The following DNAJC10 variants were observed in gnomAD, a reference collection of about 807,000 sequenced individuals.
DNAJC10 encodes endoplasmic reticulum disulfide reductase DNAJC10.
A neutral mutation model predicts 115.0 loss-of-function variants in DNAJC10; 101 were observed. The ratio of observed to expected loss-of-function variants is 0.88; its 90% CI spans 0.75 to 1.04. DNAJC10 has a LOEUF of 1.04. DNAJC10 is among the 50% of genes least tolerant of loss of function. The probability of loss-of-function intolerance (pLI) is 0.00; values close to 1 mark genes in which losing one functional copy is unlikely to be tolerated. For synonymous variants in DNAJC10, 307 were observed against 301.5 expected, an observed-to-expected ratio of 1.02 and a Z score of -0.19; for missense variants, 981 against 928.8, an observed-to-expected ratio of 1.06 and a Z score of -0.73.
At position 182,718,058 on chromosome 2, in the gene DNAJC10, C is replaced by T; in HGVS notation, c.-29C>T. 6.5e-7 allele frequency: 1 copy of T among 1,537,716 alleles called. No individual in the cohort carries two copies. Among genetic ancestry groups the T allele is most frequent in the Non-Finnish European group, 8.8e-7 (1 of 1,130,788 alleles). ...AACCAGCAGTGAATCTTAATGTTCA[C>T]TTAAATCAGAACTTGCATAAGAAAG... On this transcript the variant is annotated 5_prime_UTR_variant, in exon 3 of 24. Coordinates refer to ENST00000264065, the MANE Select transcript of DNAJC10 (RefSeq NM_018981.4).
chr2:182,735,343 G>A (rs1693557699), intron 10 of DNAJC10, among the ~76,000 whole-genome samples: 1 of 151,584 alleles, frequency 6.6e-6, no homozygotes, highest in Non-Finnish European at 1.5e-5. Flanking sequence ...TTTTTTCTAA[G>A]TTCTGTCTTA....
intron 22 of DNAJC10, among the ~76,000 whole-genome samples, chr2:182,767,348 C>T (rs1694439927): frequency 6.6e-6 from 1 of 152,212 alleles, no homozygotes; most frequent in South Asian, 2.1e-4. Context: ...AAATTAAAAG[C>T]ATAAGCTTGT....
rs929224178 is a variant in DNAJC10 at position 182,792,463 on chromosome 2, C to A, written c.*15331C>A. 3 of 152,166 alleles carry A rather than the reference C, an allele frequency of 2.0e-5. No individual in the cohort carries two copies. Among genetic ancestry groups the A allele is most frequent in the African/African-American group, 7.2e-5 (3 of 41,448 alleles). The allele number at this position is 152,166 out of a possible 1,614,324, so 9.4% of individuals were successfully genotyped here. A position where few individuals can be genotyped will look rare whatever the true frequency, so the allele number is the denominator to read the frequency against. On this transcript the variant is annotated 3_prime_UTR_variant, in exon 24 of 24. Transcript: ENST00000264065. Reference sequence around the variant, plus strand: ...AATTGATTGGTTTCCTTTTCAGCTTCCTGTTTTGTCCCTCAATGTTCACAA... The same window carrying A: ...AATTGATTGGTTTCCTTTTCAGCTTACTGTTTTGTCCCTCAATGTTCACAA...
chr2:182,752,898 A>G (rs1694060631), intron 16 of DNAJC10, among the ~76,000 whole-genome samples: 1 of 152,190 alleles, frequency 6.6e-6, no homozygotes, highest in Non-Finnish European at 1.5e-5. Context: ...GGAGAGATTA[A>G]AAAGACTTAA....
rs12052646 is a variant in DNAJC10, at chr2:182,785,372, C to T, written c.*8240C>T. The T allele has an allele frequency of 3.3e-5, 5 of 151,996 alleles. No individual in the cohort carries two copies. In the East Asian group the frequency reaches 9.6e-4, roughly 29 times the overall value. 9.4% of individuals were successfully genotyped at this position (151,996 alleles called of 1,614,324 possible). On this transcript the variant is annotated 3_prime_UTR_variant, in exon 24 of 24. Transcript: ENST00000264065. ...TTTGTGAAATAAGACACATAGTCTT[C>T]AGGTAAAAAGAAAGAGCTCTTGGTC...
chr2:182,756,556 C>T lies in DNAJC10; in HGVS notation c.1809+87C>T. The T allele has an allele frequency of 2.4e-6, 3 of 1,261,506 alleles. No homozygotes were observed. The South Asian group carries it at 4.3e-5, about 18-fold the overall frequency. 78.1% of individuals were successfully genotyped at this position (1,261,506 alleles called of 1,614,324 possible). On this transcript the variant is annotated intron_variant, in intron 18 of 23. Transcript: ENST00000264065. ...TTATTTTGAAACGGATGTGAATGAA[C>T]CCACAACTAAATTATTACTTAATAA...
At chr2:182,768,170 A>G (rs1470820023) in intron 22 of DNAJC10, among the ~76,000 whole-genome samples, 2 of 152,106 alleles carry the variant, frequency 1.3e-5, no homozygotes, top group Non-Finnish European at 2.9e-5. Flanking sequence ...TTTGTCAAGA[A>G]TCTGTCTTAA....
intron 4 of DNAJC10, among the ~76,000 whole-genome samples, chr2:182,720,996 T>C (rs1693136637): frequency 6.6e-6 from 1 of 152,072 alleles, no homozygotes. Flanking sequence ...AAGGTGTTTT[T>C]TTTCTTAAAC....
intron 11 of DNAJC10, among the ~76,000 whole-genome samples, chr2:182,738,815 C>T (rs1475143784): frequency 1.3e-5 from 2 of 152,160 alleles, no homozygotes; most frequent in African/African-American, 2.4e-5. Context: ...GTTGGGATTA[C>T]AGGCGTGAGC....
chr2:182,768,073 T>G (rs897214612), intron 22 of DNAJC10, among the ~76,000 whole-genome samples: 1 of 152,154 alleles, frequency 6.6e-6, no homozygotes, highest in African/African-American at 2.4e-5. Context: ...CATTTTGTGA[T>G]GAATAGGGCT....
At chr2:182,750,208 G>A (rs973884604) in intron 14 of DNAJC10, among the ~76,000 whole-genome samples, 1 of 152,194 alleles carries the variant, frequency 6.6e-6, no homozygotes, top group Non-Finnish European at 1.5e-5. Context: ...TTGCAGTTGA[G>A]TGATTGTACC....
chr2:182,770,154 G>A (rs75818412), intron 22 of DNAJC10, among the ~76,000 whole-genome samples: 2 of 152,142 alleles, frequency 1.3e-5, no homozygotes, highest in African/African-American at 4.8e-5. Context: ...TGAGGGCTCT[G>A]TTCTGTTCCA....
chr2:182,753,687 A>G (rs1421812534), intron 16 of DNAJC10, among the ~76,000 whole-genome samples: 2 of 139,724 alleles, frequency 1.4e-5, no homozygotes, highest in Non-Finnish European at 3.0e-5. Context: ...GGTTCATGCC[A>G]TTCTCCTCCC....
intron 23 of DNAJC10, 128 bp from the exon 24 acceptor site, chr2:182,776,993 A>T: frequency 1.9e-6 from 1 of 539,118 alleles, no homozygotes; most frequent in Non-Finnish European, 3.1e-6. Context: ...TCATGTCATG[A>T]TCCATTAAAT....
At chr2:182,770,882 T>C (rs546593380) in intron 22 of DNAJC10, among the ~76,000 whole-genome samples, 1 of 152,346 alleles carries the variant, frequency 6.6e-6, no homozygotes, top group African/African-American at 2.4e-5. Flanking sequence ...CCTTGTATTG[T>C]GCTGGTTTTC....
rs182378891 is a variant in DNAJC10, at chr2:182,758,404, A to G, written c.1944-433A>G. Among the ~76,000 whole-genome samples, 579 of 152,292 alleles carry G rather than the reference A, an allele frequency of 3.8e-3. 3 individuals carry two copies. Among genetic ancestry groups the G allele is most frequent in the Middle Eastern group, 0.017 (5 of 294 alleles). On this transcript the variant is annotated intron_variant, in intron 19 of 23. Transcript: ENST00000264065. ...GAATGTTATTAAACAAGTAAAAATG[A>G]ACCATGGATTTCAAGAGAGGAAAGG...
rs1325698100 is a variant in DNAJC10, at chr2:182,782,569, A to G, written c.*5437A>G. ...TCCATGAGCATGGAATGCTTTTTCCATTTGTTTCTGTCCTCTCTCATTTCC... is the reference window on the plus strand; with the variant it reads ...TCCATGAGCATGGAATGCTTTTTCCGTTTGTTTCTGTCCTCTCTCATTTCC... On this transcript the variant is annotated 3_prime_UTR_variant, in exon 24 of 24. Transcript: ENST00000264065. 1.3e-5 allele frequency: 2 copies of G among 151,892 alleles called. No individual in the cohort carries two copies. The highest frequency in any genetic ancestry group is 2.9e-5 in the Non-Finnish European group (2 of 67,978). The allele number at this position is 151,892 out of a possible 1,614,324, so 9.4% of individuals were successfully genotyped here. A position where few individuals can be genotyped will look rare whatever the true frequency, so the allele number is the denominator to read the frequency against.
rs370730174 is a variant in DNAJC10 at position 182,754,984 on chromosome 2, A to G, written c.1552-19A>G. ...GTGAAATCTATAAAATCTTTAATTC[A>G]TATTCTCCTTCCTATCAGTATAACA... is the stretch of plus-strand genomic sequence containing the variant. On this transcript the variant is annotated intron_variant, in intron 16 of 23. Coordinates refer to ENST00000264065, the MANE Select transcript of DNAJC10 (RefSeq NM_018981.4). 1 of 1,505,960 alleles carries G rather than the reference A, an allele frequency of 6.6e-7. No homozygotes were observed. Among genetic ancestry groups the G allele is most frequent in the Non-Finnish European group, 9.2e-7 (1 of 1,084,746 alleles). 93.3% of individuals were successfully genotyped at this position (1,505,960 alleles called of 1,614,324 possible). A position where few individuals can be genotyped will look rare whatever the true frequency, so the allele number is the denominator to read the frequency against.
At chr2:182,732,297 A>G (rs1213667731) in intron 9 of DNAJC10, among the ~76,000 whole-genome samples, 1 of 148,966 alleles carries the variant, frequency 6.7e-6, no homozygotes, top group Non-Finnish European at 1.5e-5. Context: ...TGAAAGAAAG[A>G]GGGAGCGAGG....
Sources: gnomAD v4.1 joint callset for allele counts (sites outside exome capture counted in the v4.1 genomes callset) on GRCh38, gnomAD v4.1.1 for gene constraint, MANE v1.5 for transcripts, NCBI Gene and HGNC (gene_info 2026-07-23, HGNC 2026-07-21) for gene names.